METTL15: variants seen among roughly 807,000 people sequenced by gnomAD.
METTL15 encodes the protein 12S rRNA N(4)-cytidine methyltransferase METTL15.
Under a neutral mutation model 38.3 loss-of-function variants are expected in METTL15, and 34 were observed. That is an observed-to-expected ratio of 0.89 (90% CI 0.68 to 1.18). The LOEUF is 1.18. METTL15 is among the 50% of genes most tolerant of loss of function. The pLI, the probability that METTL15 is intolerant of heterozygous loss-of-function variation, is 0.00. For missense variants in METTL15, 438 were observed against 498.4 expected, an observed-to-expected ratio of 0.88 and a Z score of 1.15; for synonymous variants, 162 against 170.9, an observed-to-expected ratio of 0.95 and a Z score of 0.41.
chr11:28,167,360 G>T (rs55945251), intron 3 of METTL15, among the ~76,000 whole-genome samples: 1 of 152,290 alleles, frequency 6.6e-6, no homozygotes, highest in South Asian at 2.1e-4. Context: ...ATCAAGGAAA[G>T]CTCAGCAGTG....
At chr11:28,423,369 A>G (rs1440623048) in intron 5 of METTL15, among the ~76,000 whole-genome samples, 1 of 152,032 alleles carries the variant, frequency 6.6e-6, no homozygotes, top group East Asian at 1.9e-4. Flanking sequence ...AAAAAAGAAA[A>G]TCAATGTATT....
At chr11:28,435,992 A>C (rs1850979100) in intron 6 of METTL15, among the ~76,000 whole-genome samples, 1 of 152,232 alleles carries the variant, frequency 6.6e-6, no homozygotes, top group Non-Finnish European at 1.5e-5. Context: ...TTCTTGTAGA[A>C]TAGCTAGTCT....
chr11:28,523,947 A>G (rs1851787881), intron 6 of METTL15, among the ~76,000 whole-genome samples: 1 of 152,210 alleles, frequency 6.6e-6, no homozygotes, highest in African/African-American at 2.4e-5. Context: ...CAGAGTGGGT[A>G]GAGGCCAAGG....
At chr11:28,239,349 C>T (rs1030801496) in intron 4 of METTL15, among the ~76,000 whole-genome samples, 87 of 152,296 alleles carry the variant, frequency 5.7e-4, no homozygotes, top group African/African-American at 2.0e-3. Flanking sequence ...AATAAAAAAG[C>T]ATACTAATCC....
chr11:28,458,153 C>T (rs1481789602), intron 6 of METTL15, among the ~76,000 whole-genome samples: 2 of 152,114 alleles, frequency 1.3e-5, no homozygotes, highest in Non-Finnish European at 2.9e-5. Context: ...CAGAAAATAC[C>T]TCTTTTGGCT....
Position 28,211,048 on chromosome 11 carries a change from T to A in METTL15, c.271-14T>A. 1 of 1,595,420 alleles carries A rather than the reference T, an allele frequency of 6.3e-7. No homozygotes were observed. The highest frequency in any genetic ancestry group is 8.5e-7 in the Non-Finnish European group (1 of 1,174,622). The stretch of plus-strand genomic sequence containing the variant: ...TTATGCTAAGTTGTAATTTTCTTTT[T>A]CTGTGTTTGCTAGATTTTTCTAGAT... On this transcript the variant is annotated splice_polypyrimidine_tract_variant and intron_variant, in intron 3 of 6. Coordinates refer to ENST00000407364, the MANE Select transcript of METTL15 (RefSeq NM_001113528.2).
At chr11:28,215,879 T>C (rs569005835) in intron 4 of METTL15, among the ~76,000 whole-genome samples, 34 of 151,938 alleles carry the variant, frequency 2.2e-4, no homozygotes, top group African/African-American at 7.5e-4. Context: ...TACAGAGAAA[T>C]GGTGGTGTGC....
intron 6 of METTL15, among the ~76,000 whole-genome samples, chr11:28,512,796 C>G (rs894584249): frequency 6.6e-6 from 1 of 152,220 alleles, no homozygotes; most frequent in African/African-American, 2.4e-5. Flanking sequence ...CAGTGGTGGG[C>G]TGAAGGGCTC....
intron 4 of METTL15, among the ~76,000 whole-genome samples, chr11:28,212,542 G>A (rs1358564564): frequency 6.6e-6 from 1 of 152,090 alleles, no homozygotes; most frequent in East Asian, 1.9e-4. Flanking sequence ...ATCCATGGAT[G>A]CTCAATTCCC....
Position 28,382,028 on chromosome 11 carries a change from A to T in METTL15, c.*358+19992A>T, listed in dbSNP as rs192902631. 3.3e-5 allele frequency among the ~76,000 whole-genome samples: 5 copies of T among 152,050 alleles called. No homozygotes were observed. In the East Asian group the frequency reaches 9.7e-4, roughly 29 times the overall value. On this transcript the variant is annotated intron_variant and NMD_transcript_variant, in intron 5 of 7. Coordinates refer to the METTL15 transcript ENST00000532947. ...TTTTATTGGATATACTTGCTTAGAG[A>T]TTCTTTGCAGTTTACCTGTGGACCT...
intron 4 of METTL15, among the ~76,000 whole-genome samples, chr11:28,217,194 C>G (rs953135481): frequency 2.6e-5 from 4 of 152,102 alleles, no homozygotes; most frequent in Non-Finnish European, 5.9e-5. Context: ...TAAAAGTGTT[C>G]CTATTTCTCC....
At position 28,276,789 on chromosome 11, in the gene METTL15, G is replaced by T. The variant is rs1179599451; in HGVS notation, c.408-13417G>T. On this transcript the variant is annotated intron_variant, in intron 4 of 6. Transcript: ENST00000407364. ...AAATAAAGCCATATATTTACAGCCA[G>T]CTGATCTTTGACAAAGCTGTAGGAG... 4.6e-5 allele frequency among the ~76,000 whole-genome samples: 7 copies of T among 152,134 alleles called. 1 individual carries two copies. The highest frequency in any genetic ancestry group is 4.6e-4 in the Admixed American group (7 of 15,274).
chr11:28,219,007 G>A (rs544506868), intron 4 of METTL15, among the ~76,000 whole-genome samples: 4 of 152,156 alleles, frequency 2.6e-5, no homozygotes, highest in Non-Finnish European at 4.4e-5. Context: ...CAGGGATATT[G>A]TTCTAAAATT....
At chr11:28,270,551 G>A (rs1855603166) in intron 4 of METTL15, among the ~76,000 whole-genome samples, 1 of 152,112 alleles carries the variant, frequency 6.6e-6, no homozygotes, top group African/African-American at 2.4e-5. Flanking sequence ...AGAACAACCA[G>A]GGTTAGAATC....
At chr11:28,446,800 A>T (rs1447233006) in intron 6 of METTL15, among the ~76,000 whole-genome samples, 3 of 152,130 alleles carry the variant, frequency 2.0e-5, no homozygotes, top group Non-Finnish European at 4.4e-5. Flanking sequence ...AAAGAAAAGA[A>T]GAAAATTTCT....
At chr11:28,497,256 A>G (rs1331432320) in intron 6 of METTL15, among the ~76,000 whole-genome samples, 4 of 152,234 alleles carry the variant, frequency 2.6e-5, no homozygotes, top group African/African-American at 9.6e-5. Context: ...TGCAAATACT[A>G]GTGTTTGCTT....
intron 3 of METTL15, among the ~76,000 whole-genome samples, chr11:28,206,706 A>C (rs200528077): frequency 0.45 from 44,887 of 99,798 alleles, 9,843 homozygotes; most frequent in East Asian, 0.69. Context: ...GGCAGTATGG[A>C]CATTTTCATG....
intron 5 of METTL15, among the ~76,000 whole-genome samples, chr11:28,392,882 G>A (rs1425538064): frequency 6.6e-6 from 1 of 151,976 alleles, no homozygotes; most frequent in African/African-American, 2.4e-5. Context: ...TATACAAATG[G>A]CTAACAGGCT....
At chr11:28,134,936 C>G (rs754338165) in intron 3 of METTL15, among the ~76,000 whole-genome samples, 3 of 152,074 alleles carry the variant, frequency 2.0e-5, no homozygotes, top group Non-Finnish European at 4.4e-5. Context: ...GTTATGGGCT[C>G]TGTGTTTACT....
Sources: allele counts gnomAD v4.1 joint callset (sites outside exome capture counted in the v4.1 genomes callset), GRCh38; gene constraint gnomAD v4.1.1; transcripts MANE v1.5; gene names NCBI Gene and HGNC (gene_info 2026-07-23, HGNC 2026-07-21).